The following SLC25A17 variants were observed in gnomAD, a reference collection of about 807,000 sequenced individuals.
SLC25A17 encodes the protein solute carrier family 25 member 17.
Under a neutral mutation model 38.5 loss-of-function variants are expected in SLC25A17, and 26 were observed. That is an observed-to-expected ratio of 0.68 (90% CI 0.50 to 0.94). The LOEUF is 0.94. Among genes scored for constraint, SLC25A17 ranks in the 40% least tolerant of loss-of-function variants. The pLI is 0.00. For missense variants in SLC25A17, 333 were observed against 372.7 expected (o/e 0.89, Z 0.88); for synonymous variants, 139 against 136.2 (o/e 1.02, Z -0.14).
intron 2 of SLC25A17, among the ~76,000 whole-genome samples, chr22:40,797,039 C>T (rs533292825): frequency 6.6e-6 from 1 of 152,116 alleles, no homozygotes; most frequent in East Asian, 1.9e-4. Flanking sequence ...TATTCTTATT[C>T]GCTTGTTATT....
At chr22:40,818,706 G>GAAAA (rs397868143) in intron 1 of SLC25A17, among the ~76,000 whole-genome samples, 1 of 93,124 alleles carries the variant, frequency 1.1e-5, no homozygotes, top group Non-Finnish European at 2.2e-5. Context: ...ACCCTGTCCG[G>GAAAA]AAAAAAAAAA....
chr22:40,801,723 G>C lies in SLC25A17; in HGVS notation c.55-2640C>G, dbSNP rs6002151. Among the ~76,000 whole-genome samples, 546 of 152,300 alleles carry C rather than the reference G, an allele frequency of 3.6e-3. 5 individuals carry two copies. The highest frequency in any genetic ancestry group is 0.013 in the African/African-American group (525 of 41,556). ...TTCCAAGAAAAATGGGAGCTGGAAA[G>C]TTAGAGAAAGCTTATTAAGTTTATT... On this transcript the variant is annotated intron_variant, in intron 1 of 8. Transcript: ENST00000435456.
At chr22:40,811,214 A>C (rs1403173522) in intron 1 of SLC25A17, among the ~76,000 whole-genome samples, 3 of 151,456 alleles carry the variant, frequency 2.0e-5, no homozygotes, top group African/African-American at 7.3e-5. Flanking sequence ...ATCAATATTC[A>C]GTGTTCCCAT....
chr22:40,816,179 C>T (rs1261430706), intron 1 of SLC25A17, among the ~76,000 whole-genome samples: 1 of 128,570 alleles, frequency 7.8e-6, no homozygotes, highest in African/African-American at 3.0e-5. Flanking sequence ...GCCTGGGCAA[C>T]AAGAGCGAAA....
chr22:40,803,033 T>C (rs1483316465), intron 1 of SLC25A17, among the ~76,000 whole-genome samples: 2 of 152,258 alleles, frequency 1.3e-5, no homozygotes, highest in South Asian at 4.1e-4. Flanking sequence ...ATCGGAAATC[T>C]TCTCTTCTAG....
intron 4 of SLC25A17, among the ~76,000 whole-genome samples, chr22:40,790,799 T>C (rs2057378951): frequency 6.6e-6 from 1 of 152,198 alleles, no homozygotes; most frequent in Non-Finnish European, 1.5e-5. Context: ...TTATAATCTT[T>C]CAAATGCAAA....
At chr22:40,787,707 T>A (rs189460512) in intron 4 of SLC25A17, among the ~76,000 whole-genome samples, 204 of 152,136 alleles carry the variant, frequency 1.3e-3, no homozygotes, top group African/African-American at 4.8e-3. Context: ...CTTTTTTTTT[T>A]AGACTTGAAA....
chr22:40,805,412 G>T (rs2057521376), intron 1 of SLC25A17, among the ~76,000 whole-genome samples: 1 of 152,178 alleles, frequency 6.6e-6, no homozygotes. Context: ...AGTGTGATGA[G>T]GACTCAACCC....
chr22:40,776,926 T>C lies in SLC25A17; in HGVS notation c.693+114A>G, dbSNP rs1457894316. 5 of 852,574 alleles carry C rather than the reference T, an allele frequency of 5.9e-6. No individual in the cohort carries two copies. The African/African-American group carries it at 8.6e-5, about 15-fold the overall frequency. 52.8% of individuals were successfully genotyped at this position (852,574 alleles called of 1,614,324 possible). On this transcript the variant is annotated intron_variant, in intron 7 of 8. Transcript: ENST00000435456. The stretch of plus-strand genomic sequence containing the variant: ...GAAAAGAAAAAAAACAGATAGGGAA[T>C]ATTCTGGTATACCAACTAACTGCTT...
intron 1 of SLC25A17, among the ~76,000 whole-genome samples, chr22:40,803,957 A>G (rs1249526285): frequency 1.3e-5 from 2 of 151,334 alleles, no homozygotes; most frequent in Non-Finnish European, 1.5e-5. Flanking sequence ...TGAATGTTTC[A>G]TTTCCCATAA....
intron 2 of SLC25A17, among the ~76,000 whole-genome samples, chr22:40,794,855 G>C (rs547624012): frequency 2.1e-4 from 32 of 152,260 alleles, no homozygotes; most frequent in African/African-American, 7.5e-4. Flanking sequence ...CTGACCTCAA[G>C]TGATCTGCCC....
intron 1 of SLC25A17, among the ~76,000 whole-genome samples, chr22:40,812,361 A>C (rs1174682273): frequency 6.6e-6 from 1 of 152,232 alleles, no homozygotes; most frequent in South Asian, 2.1e-4. Flanking sequence ...TTACAGATAG[A>C]GTAAGAATGA....
chr22:40,774,385 G>A (rs559561857), intron 7 of SLC25A17, among the ~76,000 whole-genome samples: 209 of 152,096 alleles, frequency 1.4e-3, no homozygotes, highest in African/African-American at 4.9e-3. Flanking sequence ...CACCACGCCC[G>A]GCTAATTTTT....
intron 2 of SLC25A17, among the ~76,000 whole-genome samples, chr22:40,796,383 A>G (rs907213572): frequency 6.6e-6 from 1 of 152,252 alleles, no homozygotes; most frequent in East Asian, 1.9e-4. Flanking sequence ...TCACGCCTGT[A>G]ATCCCAGCAC....
chr22:40,782,743 G>A (rs537003343), intron 4 of SLC25A17, among the ~76,000 whole-genome samples: 1 of 152,344 alleles, frequency 6.6e-6, no homozygotes, highest in South Asian at 2.1e-4. Flanking sequence ...TTTAAGGCCA[G>A]AGGGCAGGAA....
rs904174991 is a variant in SLC25A17, at chr22:40,789,221, C to T, written c.334+3304G>A. 7 of 203,852 alleles carry T rather than the reference C, an allele frequency of 3.4e-5. No individual in the cohort carries two copies. The highest frequency in any genetic ancestry group is 6.1e-5 in the Non-Finnish European group (6 of 98,202). The allele number at this position is 203,852 out of a possible 1,614,324, so 12.6% of individuals were successfully genotyped here. A position where few individuals can be genotyped will look rare whatever the true frequency, so the allele number is the denominator to read the frequency against. On this transcript the variant is annotated intron_variant, in intron 4 of 8. Coordinates refer to ENST00000435456, the MANE Select transcript of SLC25A17 (RefSeq NM_006358.4). The surrounding 1 kb of genome is among the most constrained non-coding windows in gnomAD (Gnocchi z 4.5). ...GCCGAAGCCCCATACCACTTGGTCC[C>T]GGCAGGAGTATGACAGATGCTTCGT...
At chr22:40,816,614 T>G (rs1487323844) in intron 1 of SLC25A17, among the ~76,000 whole-genome samples, 1 of 151,246 alleles carries the variant, frequency 6.6e-6, no homozygotes, top group Non-Finnish European at 1.5e-5. Context: ...TTATTGTTTT[T>G]TTTTTTTTTT....
chr22:40,778,586 A>T (rs746400008), intron 5 of SLC25A17, among the ~76,000 whole-genome samples: 33 of 152,170 alleles, frequency 2.2e-4, no homozygotes, highest in South Asian at 6.2e-4. Flanking sequence ...TTTTAATTAT[A>T]CTTTAAGTTC....
intron 4 of SLC25A17, among the ~76,000 whole-genome samples, chr22:40,791,701 T>C (rs567521867): frequency 1.3e-4 from 20 of 152,336 alleles, no homozygotes; most frequent in African/African-American, 4.8e-4. Flanking sequence ...AGATATCACC[T>C]CATACCCATT....
Sources: allele counts gnomAD v4.1 joint callset (sites outside exome capture counted in the v4.1 genomes callset), GRCh38; gene constraint gnomAD v4.1.1; non-coding constraint Gnocchi (gnomAD v3.1); transcripts MANE v1.5; gene names NCBI Gene and HGNC (gene_info 2026-07-23, HGNC 2026-07-21).